The following KCNMB4 variants were observed in gnomAD, a reference collection of about 807,000 sequenced individuals.
KCNMB4 encodes the protein potassium calcium-activated channel subfamily M regulatory beta subunit 4, also known as calcium-activated potassium channel subunit beta-4.
A neutral mutation model predicts 20.7 loss-of-function variants in KCNMB4; 3 were observed. That is an observed-to-expected ratio of 0.14 (90% CI 0.07 to 0.37). The LOEUF (loss-of-function observed/expected upper bound fraction) is 0.37, where lower values mean the gene tolerates loss of function less well. Among genes scored for constraint, KCNMB4 ranks in the 10% least tolerant of loss-of-function variants. KCNMB4 has a pLI of 1.00. For missense variants in KCNMB4, 168 were observed against 265.9 expected (o/e 0.63, Z 2.56); for synonymous variants, 110 against 113.4 (o/e 0.97, Z 0.19).
At chr12:70,368,823 A>G (rs1320962918) in intron 1 of KCNMB4, among the ~76,000 whole-genome samples, 2 of 152,192 alleles carry the variant, frequency 1.3e-5, no homozygotes, top group Non-Finnish European at 2.9e-5. Flanking sequence ...ACAAATTATA[A>G]TTTATTACAA....
Position 70,430,596 on chromosome 12 carries a change from C to A in KCNMB4, c.576C>A (p.Ile192=), listed in dbSNP as rs1408017635. The change falls in exon 3 of 3, where the codon ATC becomes ATA. Residue 192 remains isoleucine, a synonymous_variant. Coordinates refer to ENST00000258111, the MANE Select transcript of KCNMB4 (RefSeq NM_014505.6). ...VVGVLIVVLT[I]CAKSLAVKAE... is the part of the protein sequence containing the mutation. The stretch of plus-strand genomic sequence containing the variant: ...GCGTTCTCATTGTGGTCCTGACCAT[C>A]TGTGCCAAGAGCTTGGCGGTCAAGG... 4 of 1,613,566 alleles carry A rather than the reference C, an allele frequency of 2.5e-6. No homozygotes were observed.
chr12:70,426,662 T>A (rs1869222934), intron 2 of KCNMB4, among the ~76,000 whole-genome samples: 1 of 152,230 alleles, frequency 6.6e-6, no homozygotes, highest in Non-Finnish European at 1.5e-5. Flanking sequence ...TTTTAAATTG[T>A]GTAATCCTGG....
At chr12:70,401,170 C>A (rs1868438718) in intron 2 of KCNMB4, among the ~76,000 whole-genome samples, 2 of 152,244 alleles carry the variant, frequency 1.3e-5, no homozygotes, top group African/African-American at 2.4e-5. Flanking sequence ...GGACTACAGG[C>A]ACACACCACC....
chr12:70,421,463 CAAAAA>C (rs1484776939), intron 2 of KCNMB4, among the ~76,000 whole-genome samples: 1 of 37,736 alleles, frequency 2.6e-5, no homozygotes, highest in African/African-American at 1.1e-4. Context: ...GACCTTGTCT[CAAAAA>C]AGAAAAAAAA....
intron 1 of KCNMB4, among the ~76,000 whole-genome samples, chr12:70,395,148 A>G (rs1868340136): frequency 6.6e-6 from 1 of 151,880 alleles, no homozygotes; most frequent in African/African-American, 2.4e-5. Context: ...TCCAGTAGAT[A>G]ATGTTTTAAG....
intron 2 of KCNMB4, among the ~76,000 whole-genome samples, chr12:70,425,419 C>T (rs1869185775): frequency 6.6e-6 from 1 of 152,160 alleles, no homozygotes; most frequent in Admixed American, 6.5e-5. Context: ...GCCTGGGCGA[C>T]AGAGCAAGAC....
At position 70,434,059 on chromosome 12, in the gene KCNMB4, C is replaced by T. The variant is rs1386890428; in HGVS notation, c.*3406C>T. The T allele has an allele frequency of 6.6e-6, 1 of 152,202 alleles. No homozygotes were observed. Among genetic ancestry groups the T allele is most frequent in the Non-Finnish European group, 1.5e-5 (1 of 68,074 alleles). 9.4% of individuals were successfully genotyped at this position (152,202 alleles called of 1,614,324 possible). ...TTTCAAGACTCACCTTTCCCTTCTC[C>T]CTTATGCTGCACATCTGGGCAAGCT... On this transcript the variant is annotated 3_prime_UTR_variant, in exon 3 of 3. Coordinates refer to ENST00000258111, the MANE Select transcript of KCNMB4 (RefSeq NM_014505.6).
At chr12:70,378,698 G>A (rs1270908995) in intron 1 of KCNMB4, among the ~76,000 whole-genome samples, 11 of 151,786 alleles carry the variant, frequency 7.2e-5, no homozygotes, top group African/African-American at 1.9e-4. Context: ...CACCATGCCC[G>A]GCTAATTTTT....
At position 70,432,626 on chromosome 12, in the gene KCNMB4, C is replaced by T. The variant is rs1306449615; in HGVS notation, c.*1973C>T. The T allele has an allele frequency of 2.0e-5, 3 of 152,146 alleles. No homozygotes were observed. Among genetic ancestry groups the T allele is most frequent in the Admixed American group, 2.0e-4 (3 of 15,276 alleles). 9.4% of individuals were successfully genotyped at this position (152,146 alleles called of 1,614,324 possible). A position where few individuals can be genotyped will look rare whatever the true frequency, so the allele number is the denominator to read the frequency against. The stretch of plus-strand genomic sequence containing the variant: ...AGTTACAGTTTCACTGTGAAAAAGG[C>T]CTTGAACACACTATTTATGACATCT... On this transcript the variant is annotated 3_prime_UTR_variant, in exon 3 of 3. Transcript: ENST00000258111.
At chr12:70,426,288 C>T (rs1388810352) in intron 2 of KCNMB4, among the ~76,000 whole-genome samples, 7 of 147,028 alleles carry the variant, frequency 4.8e-5, no homozygotes, top group African/African-American at 1.0e-4. Context: ...AGCGAGATTC[C>T]GTCTCAAAAA....
At chr12:70,421,942 G>A (rs114387172) in intron 2 of KCNMB4, among the ~76,000 whole-genome samples, 1,564 of 148,340 alleles carry the variant, frequency 0.011, 28 homozygotes, top group African/African-American at 0.037. Flanking sequence ...TTTTTATACA[G>A]TTAAGGTTCT....
At chr12:70,381,608 G>A (rs922525659) in intron 1 of KCNMB4, among the ~76,000 whole-genome samples, 4 of 152,148 alleles carry the variant, frequency 2.6e-5, no homozygotes, top group African/African-American at 9.7e-5. Context: ...AGTATAGGAA[G>A]CCAGCCACAA....
At chr12:70,375,351 C>G (rs1408009382) in intron 1 of KCNMB4, among the ~76,000 whole-genome samples, 1 of 151,938 alleles carries the variant, frequency 6.6e-6, no homozygotes, top group Non-Finnish European at 1.5e-5. Context: ...GATGCACATT[C>G]TGGCTGAGCG....
At chr12:70,427,702 TCTC>T (rs973961352) in intron 2 of KCNMB4, among the ~76,000 whole-genome samples, 42 of 152,352 alleles carry the variant, frequency 2.8e-4, no homozygotes, top group African/African-American at 9.9e-4. Context: ...ATTATTTTTC[TCTC>T]CTCCTCTTCT....
rs1869427906 is a variant in KCNMB4, at chr12:70,433,793, C to T, written c.*3140C>T. ...TGCTATCTAGGAGAAACTCCCTTGT[C>T]CATTGTCTTCTGTGGCCACTAGTTT... On this transcript the variant is annotated 3_prime_UTR_variant, in exon 3 of 3. Transcript: ENST00000258111. 1 of 152,244 alleles carries T rather than the reference C, an allele frequency of 6.6e-6. No individual in the cohort carries two copies. The highest frequency in any genetic ancestry group is 1.5e-5 in the Non-Finnish European group (1 of 68,052). The allele number at this position is 152,244 out of a possible 1,614,324, so 9.4% of individuals were successfully genotyped here.
intron 1 of KCNMB4, among the ~76,000 whole-genome samples, chr12:70,386,544 A>G (rs908299305): frequency 6.6e-6 from 1 of 151,514 alleles, no homozygotes; most frequent in Non-Finnish European, 1.5e-5. Flanking sequence ...AAGAAGCTCC[A>G]TGTTTCACCA....
chr12:70,423,808 A>C (rs1295946007), intron 2 of KCNMB4, among the ~76,000 whole-genome samples: 2 of 152,112 alleles, frequency 1.3e-5, no homozygotes, highest in Non-Finnish European at 2.9e-5. Context: ...TTATCACAAT[A>C]TCATTGGTAG....
chr12:70,386,761 G>A (rs563565919), intron 1 of KCNMB4, among the ~76,000 whole-genome samples: 100 of 152,134 alleles, frequency 6.6e-4, no homozygotes, highest in African/African-American at 2.3e-3. Flanking sequence ...TTGCTCTTTT[G>A]TTTGTAATTG....
chr12:70,429,666 CA>C (rs11320039), intron 2 of KCNMB4, among the ~76,000 whole-genome samples: 46,671 of 116,798 alleles, frequency 0.4, 7,859 homozygotes, highest in Middle Eastern at 0.56. Context: ...GACTCCATCT[CA>C]AAAAAAAAAA....
Sources: allele counts gnomAD v4.1 joint callset (sites outside exome capture counted in the v4.1 genomes callset), GRCh38; gene constraint gnomAD v4.1.1; transcripts MANE v1.5; gene names NCBI Gene and HGNC (gene_info 2026-07-23, HGNC 2026-07-21).